The following ATOSA variants were observed in gnomAD, a reference collection of about 807,000 sequenced individuals.
The protein encoded by ATOSA is atos homolog protein A.
chr15:52,702,986 C>T, the ATOSA span, among the ~76,000 whole-genome samples: 16 of 152,018 alleles, frequency 1.1e-4, no homozygotes, highest in African/African-American at 3.9e-4. Flanking sequence ...TTGCAATAGT[C>T]TCAAACTAGA....
chr15:52,676,133 C>T, the ATOSA span, among the ~76,000 whole-genome samples: 12 of 152,076 alleles, frequency 7.9e-5, no homozygotes, highest in Non-Finnish European at 1.8e-4. Context: ...GAAGCGTGAA[C>T]ATTTTTTAAA....
the ATOSA span, among the ~76,000 whole-genome samples, chr15:52,637,268 C>G: frequency 3.5e-3 from 533 of 152,172 alleles, 4 homozygotes; most frequent in African/African-American, 0.013. Flanking sequence ...ATCTTCTGTT[C>G]TATGGCACGG....
At chr15:52,678,288 G>A in the ATOSA span, 1 of 596,392 alleles carries the variant, frequency 1.7e-6, no homozygotes, top group Non-Finnish European at 3.0e-6. Context: ...CATCTCCTCC[G>A]GATCGAGCAC....
At chr15:52,698,986 G>T in the ATOSA span, among the ~76,000 whole-genome samples, 3 of 152,154 alleles carry the variant, frequency 2.0e-5, no homozygotes, top group South Asian at 4.1e-4. Context: ...AGAATATACT[G>T]CCAGTTGACT....
At chr15:52,641,344 G>A in the ATOSA span, among the ~76,000 whole-genome samples, 1 of 152,222 alleles carries the variant, frequency 6.6e-6, no homozygotes, top group Admixed American at 6.5e-5. Flanking sequence ...TAGTAACCAA[G>A]AGCCCCCCTA....
the ATOSA span, among the ~76,000 whole-genome samples, chr15:52,681,811 ATGGGTGG>A: frequency 2.0e-5 from 3 of 152,308 alleles, no homozygotes; most frequent in South Asian, 6.2e-4. Flanking sequence ...TTTTGTTGAA[ATGGGTGG>A]TGTATGATCA....
the ATOSA span, among the ~76,000 whole-genome samples, chr15:52,595,080 C>T: frequency 6.6e-6 from 1 of 152,166 alleles, no homozygotes; most frequent in Non-Finnish European, 1.5e-5. Context: ...TCTCTGATTC[C>T]TGAACAAATT....
chr15:52,701,858 C>T, the ATOSA span, among the ~76,000 whole-genome samples: 6 of 151,432 alleles, frequency 4.0e-5, no homozygotes, highest in Admixed American at 3.9e-4. Flanking sequence ...ATAGAGAAGA[C>T]CAGGGCCAAG....
the ATOSA span, among the ~76,000 whole-genome samples, chr15:52,636,448 C>G: frequency 2.0e-5 from 3 of 151,994 alleles, no homozygotes; most frequent in African/African-American, 7.3e-5. Context: ...TAATTAAGAT[C>G]AAATGGGGTT....
the ATOSA span, among the ~76,000 whole-genome samples, chr15:52,702,769 A>G: frequency 6.8e-6 from 1 of 147,698 alleles, no homozygotes; most frequent in Non-Finnish European, 1.5e-5. Flanking sequence ...GTTGAAAAAA[A>G]AAGTGTTTCC....
At chr15:52,696,172 C>A in the ATOSA span, among the ~76,000 whole-genome samples, 3 of 152,236 alleles carry the variant, frequency 2.0e-5, no homozygotes, top group Admixed American at 1.3e-4. Flanking sequence ...TAGGCTATTC[C>A]TGCAACCCAG....
the ATOSA span, among the ~76,000 whole-genome samples, chr15:52,699,553 C>G: frequency 3.3e-5 from 5 of 151,670 alleles, no homozygotes; most frequent in Middle Eastern, 3.4e-3. Context: ...GCCTCTTCAC[C>G]CTCCCGTTTC....
the ATOSA span, among the ~76,000 whole-genome samples, chr15:52,646,420 T>C: frequency 1.3e-5 from 2 of 152,196 alleles, no homozygotes; most frequent in African/African-American, 4.8e-5. Flanking sequence ...TTAGGTCTTC[T>C]CTAATCTCAG....
the ATOSA span, among the ~76,000 whole-genome samples, chr15:52,667,844 A>C: frequency 6.6e-6 from 1 of 152,240 alleles, no homozygotes; most frequent in Non-Finnish European, 1.5e-5. Context: ...AATGCAAATC[A>C]AAACCACAAT....
chr15:52,704,757 T>C, the ATOSA span, among the ~76,000 whole-genome samples: 354 of 152,126 alleles, frequency 2.3e-3, 6 homozygotes, highest in Non-Finnish European at 2.8e-4. Context: ...TATGAAAAAA[T>C]GGTCATCACT....
chr15:52,661,062 GA>G, the ATOSA span, among the ~76,000 whole-genome samples: 468 of 152,140 alleles, frequency 3.1e-3, 3 homozygotes, highest in Admixed American at 5.6e-3. Flanking sequence ...TGAAACTAAA[GA>G]AAAAAATTGT....
At chr15:52,625,185 CT>C in the ATOSA span, among the ~76,000 whole-genome samples, 2 of 151,946 alleles carry the variant, frequency 1.3e-5, no homozygotes, top group Non-Finnish European at 2.9e-5. Context: ...CATCAACTTC[CT>C]TGCTTAAATA....
chr15:52,613,575 T>C, the ATOSA span: 11 of 1,306,038 alleles, frequency 8.4e-6, no homozygotes, highest in Middle Eastern at 1.9e-4. Context: ...CAATTTTACA[T>C]TGAAATATGA....
chr15:52,706,748 T>A, the ATOSA span, among the ~76,000 whole-genome samples: 1 of 152,218 alleles, frequency 6.6e-6, no homozygotes, highest in African/African-American at 2.4e-5. Flanking sequence ...GATGTATTGA[T>A]GCATGCCACA....
Sources: gnomAD v4.1 joint callset for allele counts (sites outside exome capture counted in the v4.1 genomes callset) on GRCh38, gnomAD v4.1.1 for gene constraint, MANE v1.5 for transcripts, NCBI Gene and HGNC (gene_info 2026-07-23, HGNC 2026-07-21) for gene names.